The following SNX29 variants were observed in gnomAD, a reference collection of about 807,000 sequenced individuals.
The protein encoded by SNX29 is sorting nexin-29.
SNX29 carries 78 observed loss-of-function variants against 102.1 expected under a neutral mutation model. The ratio of observed to expected loss-of-function variants is 0.76; its 90% CI spans 0.64 to 0.92. The LOEUF is 0.92. Among genes scored for constraint, SNX29 ranks in the 40% least tolerant of loss-of-function variants. The pLI, the probability that SNX29 is intolerant of heterozygous loss-of-function variation, is 0.00. For missense variants in SNX29, 1,280 were observed against 1,061.7 expected (o/e 1.21, Z -2.86); for synonymous variants, 580 against 414.5 (o/e 1.40, Z -4.85).
chr16:12,109,012 C>A (rs2053387522), intron 11 of SNX29, among the ~76,000 whole-genome samples: 1 of 151,174 alleles, frequency 6.6e-6, no homozygotes. Flanking sequence ...CCTGTAACCC[C>A]AGCTACTTGG....
chr16:12,080,545 ATTTAT>A, intron 11 of SNX29, among the ~76,000 whole-genome samples: 1 of 152,050 alleles, frequency 6.6e-6, no homozygotes. Context: ...ATTCATTTTT[ATTTAT>A]TTATTTTTTT....
chr16:12,556,757 C>T (rs1007238421), intron 20 of SNX29, among the ~76,000 whole-genome samples: 43 of 152,208 alleles, frequency 2.8e-4, no homozygotes, highest in African/African-American at 1.0e-3. Context: ...ATTAAGGCAC[C>T]CCCAGAGTTC....
At chr16:12,274,999 C>G (rs774034984) in intron 14 of SNX29, among the ~76,000 whole-genome samples, 1 of 152,202 alleles carries the variant, frequency 6.6e-6, no homozygotes, top group Non-Finnish European at 1.5e-5. Context: ...AATAGTCTCT[C>G]TTTCCTGCAA....
At chr16:12,362,833 T>C (rs190234103) in intron 16 of SNX29, among the ~76,000 whole-genome samples, 14 of 152,278 alleles carry the variant, frequency 9.2e-5, no homozygotes, top group African/African-American at 2.9e-4. Flanking sequence ...ATCAGTGTTA[T>C]CTTTCCCGCG....
chr16:12,430,150 T>C (rs113131547), intron 18 of SNX29, among the ~76,000 whole-genome samples: 3,553 of 152,336 alleles, frequency 0.023, 144 homozygotes, highest in African/African-American at 0.082. Context: ...GAGAATCTAA[T>C]GCCCAAAGAT....
chr16:12,422,160 G>T (rs1402859312), intron 18 of SNX29, among the ~76,000 whole-genome samples: 1 of 152,174 alleles, frequency 6.6e-6, no homozygotes, highest in African/African-American at 2.4e-5. Context: ...AAAACATACA[G>T]CTGGCAGGCT....
chr16:12,346,824 C>T (rs1262977686), intron 15 of SNX29, among the ~76,000 whole-genome samples: 2 of 152,156 alleles, frequency 1.3e-5, no homozygotes, highest in Admixed American at 1.3e-4. Flanking sequence ...AGGAGAGCAT[C>T]ATTGTCTCCA....
At chr16:12,068,225 CCAG>C (rs2051126342) in intron 9 of SNX29, among the ~76,000 whole-genome samples, 1 of 152,044 alleles carries the variant, frequency 6.6e-6, no homozygotes, top group Non-Finnish European at 1.5e-5. Context: ...ATCTGTAATC[CCAG>C]CACTTTGGGA....
At chr16:12,350,089 C>G (rs1216440107) in intron 15 of SNX29, among the ~76,000 whole-genome samples, 2 of 152,198 alleles carry the variant, frequency 1.3e-5, no homozygotes, top group Middle Eastern at 3.4e-3. Flanking sequence ...TGTGGGCCAC[C>G]CTGTGCATGT....
At chr16:12,298,003 C>G (rs1250125695) in intron 15 of SNX29, among the ~76,000 whole-genome samples, 1 of 152,170 alleles carries the variant, frequency 6.6e-6, no homozygotes, top group African/African-American at 2.4e-5. Flanking sequence ...AAGCCTGTCT[C>G]TACTAAAAAT....
chr16:12,379,040 A>G (rs2082980540), intron 16 of SNX29, among the ~76,000 whole-genome samples: 1 of 152,176 alleles, frequency 6.6e-6, no homozygotes, highest in African/African-American at 2.4e-5. Context: ...CATCTCTTGG[A>G]AGGATGGTTT....
intron 14 of SNX29, among the ~76,000 whole-genome samples, chr16:12,244,289 G>T (rs779827560): frequency 6.6e-6 from 1 of 152,140 alleles, no homozygotes; most frequent in Non-Finnish European, 1.5e-5. Flanking sequence ...TTCTGAGAGT[G>T]GAAGAAAGGA....
chr16:11,977,742 C>T (rs1218192994), intron 1 of SNX29: 1 of 152,354 alleles, frequency 6.6e-6, no homozygotes, highest in African/African-American at 2.4e-5. Flanking sequence ...TTGACTCTAC[C>T]CTCCTTTCCT....
chr16:12,356,486 G>A (rs189492431), intron 16 of SNX29, among the ~76,000 whole-genome samples: 1 of 152,152 alleles, frequency 6.6e-6, no homozygotes, highest in Admixed American at 6.5e-5. Flanking sequence ...AACATTTCCT[G>A]TTTCTCCTTC....
intron 14 of SNX29, among the ~76,000 whole-genome samples, chr16:12,210,744 C>G (rs1278488758): frequency 6.6e-6 from 1 of 151,946 alleles, no homozygotes; most frequent in Non-Finnish European, 1.5e-5. Context: ...TCCCTCATTC[C>G]CTCCCTACCT....
chr16:12,296,157 T>TCCTTC (rs2079973716), intron 15 of SNX29, among the ~76,000 whole-genome samples: 1 of 152,236 alleles, frequency 6.6e-6, no homozygotes, highest in Non-Finnish European at 1.5e-5. Flanking sequence ...GTGCTCTGGC[T>TCCTTC]CGGGAGGAGA....
chr16:12,411,331 CT>C (rs976181901), intron 18 of SNX29, among the ~76,000 whole-genome samples: 1 of 152,186 alleles, frequency 6.6e-6, no homozygotes, highest in Non-Finnish European at 1.5e-5. Context: ...CAGGGGAGCA[CT>C]TGCCCTTGTT....
chr16:12,560,057 A>T (rs1310324727), intron 20 of SNX29, among the ~76,000 whole-genome samples: 2 of 152,164 alleles, frequency 1.3e-5, no homozygotes, highest in Non-Finnish European at 2.9e-5. Context: ...AAATGACTAG[A>T]AAACTATGTA....
At chr16:12,097,271 C>A (rs141951547) in intron 11 of SNX29, among the ~76,000 whole-genome samples, 18 of 152,338 alleles carry the variant, frequency 1.2e-4, no homozygotes, top group African/African-American at 4.3e-4. Flanking sequence ...GGTAGATAAA[C>A]CTAGCCAGCA....
Sources: gnomAD v4.1 joint callset for allele counts (sites outside exome capture counted in the v4.1 genomes callset) on GRCh38, gnomAD v4.1.1 for gene constraint, MANE v1.5 for transcripts, NCBI Gene and HGNC (gene_info 2026-07-23, HGNC 2026-07-21) for gene names.